NKAIN3: variants seen among roughly 807,000 people sequenced by gnomAD.
NKAIN3 encodes the protein sodium/potassium-transporting ATPase subunit beta-1-interacting protein 3.
In NKAIN3, 25 loss-of-function variants were observed where a neutral mutation model predicts 30.2. The observed-to-expected ratio is 0.83, with a 90% CI of 0.60 to 1.16. NKAIN3 has a LOEUF of 1.16. Among genes scored for constraint, NKAIN3 ranks in the 50% most tolerant of loss-of-function variants. NKAIN3 has a pLI of 0.00. For synonymous variants in NKAIN3, 91 were observed against 89.6 expected (o/e 1.02, Z -0.09); for missense variants, 225 against 254.1 (o/e 0.89, Z 0.78).
chr8:62,795,182 C>T (rs1817823828), intron 4 of NKAIN3, among the ~76,000 whole-genome samples: 1 of 152,098 alleles, frequency 6.6e-6, no homozygotes, highest in African/African-American at 2.4e-5. Context: ...AAGGAGGTCC[C>T]CCTTTGACTT....
chr8:62,382,411 G>A (rs1817305724), intron 1 of NKAIN3, among the ~76,000 whole-genome samples: 1 of 152,098 alleles, frequency 6.6e-6, no homozygotes, highest in African/African-American at 2.4e-5. Context: ...GGTGGAAGAG[G>A]TAGAGGAAGT....
At chr8:62,561,305 A>G (rs1809570791) in intron 1 of NKAIN3, among the ~76,000 whole-genome samples, 1 of 152,092 alleles carries the variant, frequency 6.6e-6, no homozygotes, top group African/African-American at 2.4e-5. Flanking sequence ...TGTATACATG[A>G]TGGTTAAAGT....
At chr8:62,831,144 C>T (rs1039864531) in intron 4 of NKAIN3, among the ~76,000 whole-genome samples, 12 of 151,984 alleles carry the variant, frequency 7.9e-5, no homozygotes, top group African/African-American at 1.4e-4. Context: ...GACAGAATTG[C>T]GTAGAAGAAA....
chr8:62,601,321 A>T (rs912519322), intron 3 of NKAIN3, among the ~76,000 whole-genome samples: 42 of 152,024 alleles, frequency 2.8e-4, no homozygotes, highest in African/African-American at 1.0e-3. Context: ...GTGATGTTTA[A>T]AGAGGAATGG....
chr8:62,883,457 G>GTTGTTTTTTTTTTTTTTTTTTTTTTTTTT lies in NKAIN3; in HGVS notation c.472-34994_472-34993insGTTTTTTTTTTTTTTTTTTTTTTTTTTTT. Among the ~76,000 whole-genome samples, 15 of 70,232 alleles carry GTTGTTTTTTTTTTTTTTTTTTTTTTTTTT rather than the reference G, an allele frequency of 2.1e-4. 3 individuals carry two copies. The highest frequency in any genetic ancestry group is 1.0e-3 in the African/African-American group (15 of 14,302). 46.1% of individuals were successfully genotyped at this position (70,232 alleles called of 152,430 possible). ...TTTATTATTTCCAGGAGTTTTATGG[G>GTTGTTTTTTTTTTTTTTTTTTTTTTTTTT]TTTTTTTTTTTTTTTTCAGATTTTC... On this transcript the variant is annotated intron_variant, in intron 4 of 6. Transcript: ENST00000623646.
intron 1 of NKAIN3, among the ~76,000 whole-genome samples, chr8:62,280,130 G>C (rs1222666192): frequency 6.6e-6 from 1 of 151,268 alleles, no homozygotes; most frequent in Non-Finnish European, 1.5e-5. Flanking sequence ...TATTCTCTTT[G>C]AAGCAATTGT....
intron 1 of NKAIN3, among the ~76,000 whole-genome samples, chr8:62,501,809 A>C (rs1807462826): frequency 6.6e-6 from 1 of 152,198 alleles, no homozygotes; most frequent in Admixed American, 6.5e-5. Flanking sequence ...AATCAGTGCT[A>C]CTATATGCAT....
chr8:62,606,181 A>C (rs1428679729), intron 3 of NKAIN3, among the ~76,000 whole-genome samples: 2 of 152,072 alleles, frequency 1.3e-5, no homozygotes, highest in African/African-American at 4.8e-5. Context: ...ACCTCCAAGG[A>C]TTACATGGAT....
intron 3 of NKAIN3, among the ~76,000 whole-genome samples, chr8:62,647,916 C>T (rs1360330976): frequency 6.6e-6 from 1 of 151,924 alleles, no homozygotes; most frequent in Non-Finnish European, 1.5e-5. Flanking sequence ...GCGGATGGCT[C>T]GGATTGGTTA....
At chr8:62,490,442 A>G (rs1039476341) in intron 1 of NKAIN3, among the ~76,000 whole-genome samples, 2 of 152,178 alleles carry the variant, frequency 1.3e-5, no homozygotes, top group Non-Finnish European at 1.5e-5. Context: ...TACAGTAGCA[A>G]TTTACATGGC....
intron 4 of NKAIN3, among the ~76,000 whole-genome samples, chr8:62,786,769 T>C (rs1054853637): frequency 2.0e-5 from 3 of 152,190 alleles, no homozygotes; most frequent in African/African-American, 7.2e-5. Context: ...GTCTGTAACA[T>C]GCATGGTGTC....
intron 1 of NKAIN3, among the ~76,000 whole-genome samples, chr8:62,567,933 A>G (rs1809809410): frequency 6.6e-6 from 1 of 152,182 alleles, no homozygotes; most frequent in Admixed American, 6.5e-5. Context: ...TACTTTTTCT[A>G]CTTATTGAAT....
At position 62,608,886 on chromosome 8, in the gene NKAIN3, A is replaced by T. The variant is rs147295600; in HGVS notation, c.273+19092A>T. On this transcript the variant is annotated intron_variant, in intron 3 of 6. Transcript: ENST00000623646. ...TTCATAGGGGGAAAAATGTCCAATG[A>T]TTTAGAAATAGCTATGCTATGGACA... Among the ~76,000 whole-genome samples the T allele has an allele frequency of 7.4e-3, 1,120 of 152,292 alleles. 11 individuals carry two copies. Among genetic ancestry groups the T allele is most frequent in the South Asian group, 0.03 (143 of 4,830 alleles).
intron 3 of NKAIN3, among the ~76,000 whole-genome samples, chr8:62,708,933 G>C (rs13253228): frequency 0.56 from 84,588 of 151,958 alleles, 26,866 homozygotes; most frequent in Non-Finnish European, 0.73. Context: ...AATCATAAAG[G>C]GATGCTGGAT....
At chr8:62,302,862 C>T (rs1277705976) in intron 1 of NKAIN3, among the ~76,000 whole-genome samples, 1 of 150,924 alleles carries the variant, frequency 6.6e-6, no homozygotes, top group African/African-American at 2.5e-5. Flanking sequence ...TTTGTTTTCT[C>T]ATGCTCCCTG....
At position 62,979,383 on chromosome 8, in the gene NKAIN3, C is replaced by T. The variant is rs1824023720; in HGVS notation, c.*13976C>T. ...TAGTGTTTGCAAATCTGGCAGCTGT[C>T]ACTGATGATTTAAACAAGATTGGGT... On this transcript the variant is annotated 3_prime_UTR_variant, in exon 7 of 7. Coordinates refer to ENST00000623646, the MANE Select transcript of NKAIN3 (RefSeq NM_001304533.3). The T allele has an allele frequency of 6.6e-6, 1 of 152,262 alleles. No homozygotes were observed. The highest frequency in any genetic ancestry group is 2.1e-4 in the South Asian group (1 of 4,824). 9.4% of individuals were successfully genotyped at this position (152,262 alleles called of 1,614,324 possible).
intron 5 of NKAIN3, among the ~76,000 whole-genome samples, chr8:62,951,660 C>T (rs1823288406): frequency 6.6e-6 from 1 of 151,996 alleles, no homozygotes. Flanking sequence ...ACGGTGTTTC[C>T]CCATTGTTGC....
At chr8:62,815,017 TA>T (rs929595862) in intron 4 of NKAIN3, among the ~76,000 whole-genome samples, 2 of 151,716 alleles carry the variant, frequency 1.3e-5, no homozygotes, top group Non-Finnish European at 2.9e-5. Context: ...ATAGATGCAA[TA>T]AAAAATGATA....
At chr8:62,295,679 C>A (rs1701947425) in intron 1 of NKAIN3, among the ~76,000 whole-genome samples, 1 of 152,112 alleles carries the variant, frequency 6.6e-6, no homozygotes, top group African/African-American at 2.4e-5. Context: ...AGAGAAAATC[C>A]TGTTTGTTGG....
Sources: gnomAD v4.1 joint callset for allele counts (sites outside exome capture counted in the v4.1 genomes callset) on GRCh38, gnomAD v4.1.1 for gene constraint, MANE v1.5 for transcripts, NCBI Gene and HGNC (gene_info 2026-07-23, HGNC 2026-07-21) for gene names.